The following ECE1 variants were observed in gnomAD, a reference collection of about 807,000 sequenced individuals.
The protein encoded by ECE1 is endothelin converting enzyme 1, also known as endothelin-converting enzyme 1.
ECE1 carries 35 observed loss-of-function variants against 98.6 expected under a neutral mutation model. That is an observed-to-expected ratio of 0.35 (90% confidence interval 0.27 to 0.47). ECE1 has a LOEUF of 0.47. ECE1 is among the 20% of genes least tolerant of loss of function. ECE1 has a pLI of 1.00. For synonymous variants in ECE1, 394 were observed against 407.1 expected (o/e 0.97, Z 0.39); for missense variants, 814 against 1,025.3 (o/e 0.79, Z 2.81).
rs145371829 is a variant in ECE1, at chr1:21,242,077, G to A, written c.1278+2912C>T. 6.0e-4 allele frequency among the ~76,000 whole-genome samples: 92 copies of A among 152,270 alleles called. No homozygotes were observed. In the East Asian group the frequency reaches 0.016, roughly 26 times the overall value. ...AATGGGTGATAGCTGATGAGAAACG[G>A]CTGCATGCAGCGCTTGAGCAGTCAG... On this transcript the variant is annotated intron_variant, in intron 10 of 18. Transcript: ENST00000374893.
At chr1:21,306,374 T>C (rs745930438) in intron 1 of ECE1, among the ~76,000 whole-genome samples, 5 of 151,910 alleles carry the variant, frequency 3.3e-5, no homozygotes, top group African/African-American at 4.8e-5. Context: ...TTCGCTCTTG[T>C]TGCCCAGGCT....
At chr1:21,302,740 C>T (rs1014378679) in intron 1 of ECE1, among the ~76,000 whole-genome samples, 4 of 152,194 alleles carry the variant, frequency 2.6e-5, no homozygotes, top group Admixed American at 6.5e-5. Flanking sequence ...TCCCCTGGCC[C>T]GCCCTGCCCC....
intron 2 of ECE1, among the ~76,000 whole-genome samples, chr1:21,286,139 C>T (rs1046914728): frequency 2.0e-5 from 3 of 152,072 alleles, no homozygotes; most frequent in Non-Finnish European, 4.4e-5. Context: ...GAATGAATTT[C>T]AAAGGTTTTG....
intron 8 of ECE1, among the ~76,000 whole-genome samples, chr1:21,250,200 AG>A (rs1051429723): frequency 6.6e-6 from 1 of 152,118 alleles, no homozygotes; most frequent in African/African-American, 2.4e-5. Flanking sequence ...TGACTATTCT[AG>A]GTACCTCATA....
chr1:21,279,089 A>G (rs2098251136), intron 3 of ECE1, 102 bp downstream of exon 3: 1 of 1,598,872 alleles, frequency 6.3e-7, no homozygotes, highest in African/African-American at 1.3e-5. Flanking sequence ...CCTTAGCCTC[A>G]GAGCCCTGCC....
At chr1:21,305,142 C>T (rs1464486515) in intron 1 of ECE1, among the ~76,000 whole-genome samples, 1 of 152,232 alleles carries the variant, frequency 6.6e-6, no homozygotes, top group African/African-American at 2.4e-5. Flanking sequence ...GCACTAGCCA[C>T]ATGTCAAATG....
chr1:21,307,380 C>A lies in ECE1; in HGVS notation c.4-17224G>T, dbSNP rs1006175486. On this transcript the variant is annotated intron_variant, in intron 1 of 18. Transcript: ENST00000415912. The surrounding 1 kb of genome is among the most constrained non-coding windows in gnomAD (Gnocchi z 4.2). ...AGCGAGTCATGTCACCTCTCGGAGC[C>A]TCAATTTCCTCCCTCTGCATGGTGA... Among the ~76,000 whole-genome samples, 60 of 152,190 alleles carry A rather than the reference C, an allele frequency of 3.9e-4. No homozygotes were observed. Among genetic ancestry groups the A allele is most frequent in the African/African-American group, 1.4e-3 (60 of 41,434 alleles).
intron 7 of ECE1, among the ~76,000 whole-genome samples, chr1:21,257,207 T>C (rs1346155569): frequency 6.6e-6 from 1 of 152,200 alleles, no homozygotes; most frequent in South Asian, 2.1e-4. Context: ...TGAAGTTCAG[T>C]ATCTGCAGGG....
At position 21,225,484 on chromosome 1, in the gene ECE1, C is replaced by G; in HGVS notation, c.1850-44G>C. 6.2e-7 allele frequency: 1 copy of G among 1,600,798 alleles called. No homozygotes were observed. The highest frequency in any genetic ancestry group is 1.1e-5 in the South Asian group (1 of 89,858). ...CGTCATGTCAAGGGAGGGAGGGGCACAGCAGGGACCTGCTGCTCCTCCCTG... is the reference window on the plus strand; with the variant it reads ...CGTCATGTCAAGGGAGGGAGGGGCAGAGCAGGGACCTGCTGCTCCTCCCTG... On this transcript the variant is annotated intron_variant, in intron 16 of 18. Transcript: ENST00000374893. This position sits in a 1 kb window ranked among gnomAD's most constrained non-coding sequence, Gnocchi z 5.3.
chr1:21,287,585 C>T (rs1182702934), intron 2 of ECE1, among the ~76,000 whole-genome samples: 5 of 152,034 alleles, frequency 3.3e-5, no homozygotes, highest in South Asian at 4.1e-4. Context: ...CGCTAGCAAC[C>T]GGCCCAAAGG....
intron 1 of ECE1, among the ~76,000 whole-genome samples, chr1:21,308,329 C>T (rs1186272849): frequency 6.6e-6 from 1 of 152,190 alleles, no homozygotes; most frequent in Non-Finnish European, 1.5e-5. Context: ...GAAGTCTTAC[C>T]CTCCAGCCCC....
At chr1:21,221,969 G>A (rs1352221228) in intron 17 of ECE1, 127 bp from the exon 18 acceptor site, 3 of 853,512 alleles carry the variant, frequency 3.5e-6, no homozygotes, top group Non-Finnish European at 6.0e-6. Flanking sequence ...TCTGGGCCTG[G>A]GCTCAGCCTA....
chr1:21,314,073 G>A (rs917800245), intron 1 of ECE1, among the ~76,000 whole-genome samples: 2 of 152,196 alleles, frequency 1.3e-5, no homozygotes, highest in African/African-American at 2.4e-5. Context: ...TCTAGGTTCC[G>A]TGCTAAGCAC....
chr1:21,236,637 G>T, intron 12 of ECE1, 109 bp downstream of exon 12: 1 of 1,112,742 alleles, frequency 9.0e-7, no homozygotes, highest in Non-Finnish European at 1.4e-6. Flanking sequence ...TAACAAGAAC[G>T]AAACTCTGCC....
At chr1:21,291,517 C>A (rs1469705880), upstream of ECE1, among the ~76,000 whole-genome samples, 1 of 152,174 alleles carries the variant, frequency 6.6e-6, no homozygotes, top group Admixed American at 6.5e-5. Context: ...CCAGGATGAG[C>A]CTTTAAAATG....
chr1:21,257,789 C>T (rs531547386), intron 6 of ECE1, among the ~76,000 whole-genome samples, 199 bp from the exon 7 acceptor site: 2 of 151,982 alleles, frequency 1.3e-5, no homozygotes, highest in South Asian at 4.1e-4. Context: ...CACGTGGCCC[C>T]CCCCCGCAGG....
At chr1:21,242,284 G>A (rs1168955194) in intron 10 of ECE1, among the ~76,000 whole-genome samples, 1 of 152,164 alleles carries the variant, frequency 6.6e-6, no homozygotes, top group Non-Finnish European at 1.5e-5. Flanking sequence ...ATTCCATGCC[G>A]TTTCCTCACA....
intron 1 of ECE1, among the ~76,000 whole-genome samples, chr1:21,343,690 G>A (rs1394051096): frequency 6.6e-6 from 1 of 152,216 alleles, no homozygotes; most frequent in Non-Finnish European, 1.5e-5. Context: ...AAGTGGAGGG[G>A]ATGGGGTTCA....
chr1:21,259,305 A>C (rs531156570), intron 5 of ECE1, among the ~76,000 whole-genome samples: 2 of 152,114 alleles, frequency 1.3e-5, no homozygotes, highest in African/African-American at 4.8e-5. Flanking sequence ...TCTTGCTCTG[A>C]TTCCCAGGCT....
Sources: allele counts gnomAD v4.1 joint callset (sites outside exome capture counted in the v4.1 genomes callset), GRCh38; gene constraint gnomAD v4.1.1; non-coding constraint Gnocchi (gnomAD v3.1); transcripts MANE v1.5; gene names NCBI Gene and HGNC (gene_info 2026-07-23, HGNC 2026-07-21).